ST7: variants seen among roughly 807,000 people sequenced by gnomAD.
ST7 encodes the protein suppression of tumorigenicity 7, also known as suppressor of tumorigenicity 7 protein.
In ST7, 28 loss-of-function variants were observed where a neutral mutation model predicts 78.7. The ratio of observed to expected loss-of-function variants is 0.36; its 90% CI spans 0.26 to 0.49. The LOEUF (loss-of-function observed/expected upper bound fraction) is 0.49. Ranked by LOEUF, ST7 falls within the 20% of genes least tolerant of loss-of-function variation. ST7 has a pLI of 0.99. For synonymous variants in ST7, 247 were observed against 249.6 expected (o/e 0.99, Z 0.10); for missense variants, 418 against 696.0 (o/e 0.60, Z 4.49).
intron 1 of ST7, among the ~76,000 whole-genome samples, chr7:117,075,161 A>G (rs1799250870): frequency 1.3e-5 from 2 of 152,128 alleles, no homozygotes; most frequent in Non-Finnish European, 2.9e-5. Context: ...TTACTCTAAA[A>G]CATATTGCAA....
intron 9 of ST7, among the ~76,000 whole-genome samples, chr7:117,151,371 C>T (rs1039756637): frequency 6.6e-6 from 1 of 152,100 alleles, no homozygotes; most frequent in African/African-American, 2.4e-5. Context: ...GTGTGCCAAG[C>T]TTGCTTGATC....
chr7:116,961,555 CGTGTGTGTGT>C lies in ST7; in HGVS notation c.151+7894_151+7903del, dbSNP rs35640208. On this transcript the variant is annotated intron_variant, in intron 1 of 15. Transcript: ENST00000323984. ...ACCTCCATGGTTAGCTGTATTCCTA[CGTGTGTGTGT>C]GTGTGTGTGTGTGTGTGTGTGTGTG... is the stretch of plus-strand genomic sequence containing the variant. Among the ~76,000 whole-genome samples the C allele has an allele frequency of 2.3e-3, 322 of 138,514 alleles. 3 individuals are homozygous for C. Among genetic ancestry groups the C allele is most frequent in the Middle Eastern group, 0.014 (4 of 282 alleles). 90.9% of individuals were successfully genotyped at this position (138,514 alleles called of 152,430 possible).
At chr7:116,963,833 A>G (rs1272860509) in intron 1 of ST7, among the ~76,000 whole-genome samples, 2 of 151,958 alleles carry the variant, frequency 1.3e-5, no homozygotes, top group Admixed American at 6.6e-5. Context: ...GGGTTTCACC[A>G]TATTGGCCAG....
intron 2 of ST7, chr7:117,118,421 A>C (rs1331780009): frequency 6.6e-6 from 1 of 152,250 alleles, no homozygotes; most frequent in African/African-American, 2.4e-5. Flanking sequence ...CCTTCTGGTC[A>C]TTCATAAATG....
At chr7:116,995,882 T>C (rs776885343) in intron 1 of ST7, among the ~76,000 whole-genome samples, 13 of 152,138 alleles carry the variant, frequency 8.5e-5, no homozygotes, top group Non-Finnish European at 1.6e-4. Context: ...TTTTAAAAAT[T>C]GTGTTTGGGC....
At chr7:117,066,359 T>C (rs982357679) in intron 1 of ST7, among the ~76,000 whole-genome samples, 11 of 152,330 alleles carry the variant, frequency 7.2e-5, no homozygotes, top group Non-Finnish European at 1.2e-4. Context: ...GGTATTTAGT[T>C]GGCCCTCAAC....
chr7:116,973,057 G>T (rs1356590914), intron 1 of ST7: 1 of 641,686 alleles, frequency 1.6e-6, no homozygotes, highest in Non-Finnish European at 2.8e-6. Context: ...TTTTATACAG[G>T]TTATAATCCA....
chr7:117,216,203 C>T (rs563417334), intron 13 of ST7, among the ~76,000 whole-genome samples: 1 of 152,240 alleles, frequency 6.6e-6, no homozygotes, highest in African/African-American at 2.4e-5. Flanking sequence ...ATTGTGAAGG[C>T]ATGATCTGTT....
At chr7:116,989,662 G>T (rs1412616395) in intron 1 of ST7, among the ~76,000 whole-genome samples, 1 of 151,538 alleles carries the variant, frequency 6.6e-6, no homozygotes, top group African/African-American at 2.4e-5. Context: ...AACATAGTGA[G>T]ACCCCCATCT....
chr7:117,062,687 C>T (rs1356023591), intron 1 of ST7, among the ~76,000 whole-genome samples: 1 of 151,988 alleles, frequency 6.6e-6, no homozygotes, highest in Non-Finnish European at 1.5e-5. Context: ...ATCATTAATA[C>T]AATAGTTTAT....
chr7:117,170,416 C>G (rs776433441), intron 9 of ST7, among the ~76,000 whole-genome samples: 1 of 152,084 alleles, frequency 6.6e-6, no homozygotes, highest in Non-Finnish European at 1.5e-5. Context: ...TTTAAAAATA[C>G]GAAATGCTGT....
chr7:117,114,705 C>T (rs1802715458), intron 2 of ST7, among the ~76,000 whole-genome samples: 1 of 152,134 alleles, frequency 6.6e-6, no homozygotes, highest in Non-Finnish European at 1.5e-5. Flanking sequence ...GATAATAGGG[C>T]ATAGGGAAAT....
At chr7:117,180,362 A>G (rs1011952335) in intron 10 of ST7, among the ~76,000 whole-genome samples, 3 of 152,216 alleles carry the variant, frequency 2.0e-5, no homozygotes, top group Admixed American at 1.3e-4. Context: ...ATTTGAAGAT[A>G]GTAGAGGACA....
intron 1 of ST7, among the ~76,000 whole-genome samples, chr7:117,068,445 A>T (rs1249716072): frequency 6.6e-6 from 1 of 152,174 alleles, no homozygotes. Context: ...ACGTTTTTCT[A>T]CTTTACCACC....
intron 2 of ST7, among the ~76,000 whole-genome samples, chr7:117,107,604 T>C (rs34120304): frequency 8.7e-6 from 1 of 114,818 alleles, no homozygotes; most frequent in Non-Finnish European, 1.7e-5. Flanking sequence ...AGCCCACTTC[T>C]TTTTTTTTTT....
intron 1 of ST7, among the ~76,000 whole-genome samples, chr7:117,081,886 A>AGAGATT (rs1799805438): frequency 6.7e-6 from 1 of 149,572 alleles, no homozygotes; most frequent in South Asian, 2.1e-4. Context: ...AGAGAGAAAT[A>AGAGATT]GAGATTGAGA....
At chr7:117,108,036 G>A (rs1294742002) in intron 2 of ST7, among the ~76,000 whole-genome samples, 1 of 151,868 alleles carries the variant, frequency 6.6e-6, no homozygotes, top group East Asian at 1.9e-4. Flanking sequence ...CCACTCTGTG[G>A]GGTGTCTGTT....
intron 12 of ST7, among the ~76,000 whole-genome samples, chr7:117,197,632 C>G (rs780884610): frequency 2.5e-4 from 38 of 152,136 alleles, no homozygotes; most frequent in Non-Finnish European, 5.1e-4. Context: ...ATTTATGAAC[C>G]TATTAAGTAC....
intron 1 of ST7, among the ~76,000 whole-genome samples, chr7:116,973,353 G>A (rs1272622389): frequency 3.3e-5 from 5 of 152,086 alleles, no homozygotes. Flanking sequence ...GACCTCCCAG[G>A]CTCAAGCAAT....
Sources: allele counts gnomAD v4.1 joint callset (sites outside exome capture counted in the v4.1 genomes callset), GRCh38; gene constraint gnomAD v4.1.1; transcripts MANE v1.5; gene names NCBI Gene and HGNC (gene_info 2026-07-23, HGNC 2026-07-21).